RNLS: variants seen among roughly 807,000 people sequenced by gnomAD.
The protein encoded by RNLS is renalase.
In RNLS, 39 loss-of-function variants were observed where a neutral mutation model predicts 39.8. The observed-to-expected ratio is 0.98, with a 90% CI of 0.76 to 1.28. The LOEUF is 1.28. Ranked by LOEUF, RNLS falls within the 50% of genes most tolerant of loss-of-function variation. RNLS has a pLI of 0.00. For missense variants in RNLS, 410 were observed against 413.3 expected, an observed-to-expected ratio of 0.99 and a Z score of 0.07; for synonymous variants, 147 against 150.7, an observed-to-expected ratio of 0.98 and a Z score of 0.18.
chr10:88,407,910 A>C (rs1853388680), intron 4 of RNLS, among the ~76,000 whole-genome samples: 1 of 152,140 alleles, frequency 6.6e-6, no homozygotes, highest in South Asian at 2.1e-4. Context: ...CTAAGGAAAT[A>C]ATTATGAATA....
At chr10:88,251,517 C>T in the RNLS span, among the ~76,000 whole-genome samples, 1 of 152,198 alleles carries the variant, frequency 6.6e-6, no homozygotes, top group African/African-American at 2.4e-5. Flanking sequence ...CCCCACAGCT[C>T]TAAATTTCTA....
At chr10:88,509,343 T>TCC (rs1052141552) in intron 4 of RNLS, among the ~76,000 whole-genome samples, 1 of 152,006 alleles carries the variant, frequency 6.6e-6, no homozygotes, top group African/African-American at 2.4e-5. Flanking sequence ...TGTATCTTGT[T>TCC]CCCCATTGCA....
intron 6 of RNLS, among the ~76,000 whole-genome samples, chr10:88,276,629 C>G (rs774736692): frequency 2.6e-5 from 4 of 152,044 alleles, no homozygotes; most frequent in African/African-American, 4.8e-5. Flanking sequence ...TGTATCAATT[C>G]CTGAATCAAC....
At chr10:88,399,456 A>C (rs1390494638) in intron 4 of RNLS, among the ~76,000 whole-genome samples, 1 of 152,080 alleles carries the variant, frequency 6.6e-6, no homozygotes, top group East Asian at 1.9e-4. Flanking sequence ...TGCAGTCAGA[A>C]GAAGCAATGA....
intron 6 of RNLS, among the ~76,000 whole-genome samples, chr10:88,313,281 G>A (rs577289092): frequency 7.9e-5 from 12 of 152,164 alleles, no homozygotes; most frequent in African/African-American, 2.6e-4. Context: ...TTCTTTTAAA[G>A]AAGTATTTAT....
intron 5 of RNLS, among the ~76,000 whole-genome samples, chr10:88,360,529 G>A (rs368732706): frequency 2.0e-5 from 3 of 152,126 alleles, no homozygotes; most frequent in South Asian, 2.1e-4. Flanking sequence ...CTGCCTCCTG[G>A]GTTCAAGAGT....
chr10:88,237,096 G>T, the RNLS span, among the ~76,000 whole-genome samples: 25 of 151,956 alleles, frequency 1.6e-4, no homozygotes, highest in Admixed American at 1.3e-4. Flanking sequence ...TGAAGGAAAC[G>T]TCTTCAAATT....
rs183867101 is a variant in RNLS at position 88,314,650 on chromosome 10, T to C, written c.701-9A>G. On this transcript the variant is annotated splice_polypyrimidine_tract_variant and intron_variant, in intron 5 of 6. Transcript: ENST00000331772. ...CCCAATTTCTGATGACTCTGTGGCATAAGAGGATCATAAAGATGCATCTTA... is the reference window on the plus strand; with the variant it reads ...CCCAATTTCTGATGACTCTGTGGCACAAGAGGATCATAAAGATGCATCTTA... 1.8e-4 allele frequency: 289 copies of C among 1,608,778 alleles called. No individual in the cohort carries two copies. Among genetic ancestry groups the C allele is most frequent in the Admixed American group, 9.9e-4 (59 of 59,312 alleles).
the RNLS span, among the ~76,000 whole-genome samples, chr10:88,202,951 C>A: frequency 6.6e-6 from 1 of 152,042 alleles, no homozygotes; most frequent in Non-Finnish European, 1.5e-5. Flanking sequence ...AGACTTCCTG[C>A]AGTTTAAACT....
the RNLS span, among the ~76,000 whole-genome samples, chr10:88,265,342 T>TTTTTTTG: frequency 6.9e-6 from 1 of 144,602 alleles, no homozygotes; most frequent in Admixed American, 6.9e-5. Flanking sequence ...TTTTTTTTTT[T>TTTTTTTG]TTTTTGGTTC....
the RNLS span, among the ~76,000 whole-genome samples, chr10:88,198,739 C>T: frequency 5.3e-5 from 8 of 152,140 alleles, no homozygotes; most frequent in Admixed American, 1.3e-4. Flanking sequence ...TCCCCTTCCA[C>T]CATGATTCTA....
chr10:88,422,320 C>T (rs763279086), intron 4 of RNLS, among the ~76,000 whole-genome samples: 7 of 152,072 alleles, frequency 4.6e-5, no homozygotes, highest in African/African-American at 7.2e-5. Flanking sequence ...GATACGAATT[C>T]GAAGCCTGAA....
intron 6 of RNLS, chr10:88,275,095 T>C (rs922057182): frequency 5.2e-6 from 6 of 1,152,166 alleles, no homozygotes; most frequent in Admixed American, 3.4e-5. Flanking sequence ...TCTGACACCT[T>C]GTCTACACTA....
chr10:88,357,426 T>C (rs547294437), intron 5 of RNLS, among the ~76,000 whole-genome samples: 1 of 152,300 alleles, frequency 6.6e-6, no homozygotes, highest in African/African-American at 2.4e-5. Flanking sequence ...TGACAGATAT[T>C]GCTGATTGTT....
chr10:88,551,887 T>C (rs1342725212), intron 4 of RNLS, among the ~76,000 whole-genome samples: 3 of 152,162 alleles, frequency 2.0e-5, no homozygotes, highest in Non-Finnish European at 4.4e-5. Context: ...GTTGGAGCTA[T>C]TGTTATTTAC....
chr10:88,207,665 G>T, the RNLS span, among the ~76,000 whole-genome samples: 1 of 152,288 alleles, frequency 6.6e-6, no homozygotes, highest in African/African-American at 2.4e-5. Context: ...ATTGAGCAGA[G>T]CATTTCCCAA....
intron 5 of RNLS, among the ~76,000 whole-genome samples, chr10:88,357,939 G>C (rs1170627819): frequency 6.6e-6 from 1 of 152,158 alleles, no homozygotes; most frequent in Admixed American, 6.5e-5. Context: ...ACACCTGTTT[G>C]GGCTTTAGGT....
At chr10:88,306,904 C>T (rs1215880768) in intron 6 of RNLS, among the ~76,000 whole-genome samples, 4 of 152,046 alleles carry the variant, frequency 2.6e-5, no homozygotes, top group Admixed American at 6.6e-5. Flanking sequence ...TATCCTTGAA[C>T]ATTGATGCAA....
Position 88,583,277 on chromosome 10 carries a change from A to G in RNLS, c.-87T>C. The G allele has an allele frequency of 6.4e-7, 1 of 1,566,018 alleles. No homozygotes were observed. Among genetic ancestry groups the G allele is most frequent in the South Asian group, 1.2e-5 (1 of 84,246 alleles). ...CTGGAAAGGCGGCCGAACCGGCGCT[A>G]GCGCTCTTTGGTTCCGTGCTCCCTG... is the stretch of plus-strand genomic sequence containing the variant. On this transcript the variant is annotated 5_prime_UTR_variant, in exon 1 of 7. Transcript: ENST00000331772.
Sources: gnomAD v4.1 joint callset for allele counts (sites outside exome capture counted in the v4.1 genomes callset) on GRCh38, gnomAD v4.1.1 for gene constraint, MANE v1.5 for transcripts, NCBI Gene and HGNC (gene_info 2026-07-23, HGNC 2026-07-21) for gene names.